STPG4: variants seen among roughly 807,000 people sequenced by gnomAD.
The protein encoded by STPG4 is protein STPG4.
In STPG4, 41 loss-of-function variants were observed where a neutral mutation model predicts 31.5. The observed-to-expected ratio is 1.30, with a 90% confidence interval of 1.01 to 1.69. The LOEUF is 1.69. Among genes scored for constraint, STPG4 ranks in the 40% most tolerant of loss-of-function variants. STPG4 has a pLI of 0.00. For synonymous variants in STPG4, 141 were observed against 103.0 expected (o/e 1.37, Z -2.24); for missense variants, 375 against 293.4 (o/e 1.28, Z -2.03).
intron 3 of STPG4, among the ~76,000 whole-genome samples, chr2:47,131,709 A>G (rs1264602904): frequency 6.6e-6 from 1 of 152,204 alleles, no homozygotes; most frequent in African/African-American, 2.4e-5. Flanking sequence ...GCTTTTAAGA[A>G]AGGCAGGACT....
intron 3 of STPG4, among the ~76,000 whole-genome samples, chr2:47,143,121 C>A (rs1302251881): frequency 6.6e-6 from 1 of 151,976 alleles, no homozygotes; most frequent in Non-Finnish European, 1.5e-5. Context: ...CCACCGCACC[C>A]GGCCAACCTC....
intron 5 of STPG4, among the ~76,000 whole-genome samples, chr2:47,117,245 T>G (rs1387414704): frequency 1.3e-5 from 2 of 152,250 alleles, no homozygotes; most frequent in Non-Finnish European, 2.9e-5. Flanking sequence ...CTTTCGCTCT[T>G]GTTGCCCAGG....
Position 47,151,300 on chromosome 2 carries a change from G to T in STPG4, c.357C>A (p.Asp119Glu), listed in dbSNP as rs376264892. Residue 119 changes from aspartate (D) to glutamate (E), a missense_variant, in exon 3 of 7, where the codon GAC (aspartate) becomes GAA (glutamate). Physicochemically the swap from Asp to Glu is conservative, Grantham distance 45. Transcript: ENST00000445927. Reference protein sequence around the residue: ...KKQVATYSFKDKPRPSPSTLV... With the variant: ...KKQVATYSFKEKPRPSPSTLV... Reference sequence around the variant, plus strand: ...GTGTGCTGGGGCTTGGCCGTGGTTTGTCTTTGAATGAGTAAGTAGCCACTT... The same window carrying T: ...GTGTGCTGGGGCTTGGCCGTGGTTTTTCTTTGAATGAGTAAGTAGCCACTT... 19 of 1,614,232 alleles carry T rather than the reference G, an allele frequency of 1.2e-5. No homozygotes were observed. In the East Asian group the frequency reaches 2.7e-4, roughly 23 times the overall value.
rs57475505 is a variant in STPG4, at chr2:47,127,252, C to CTTTTTTTTTTTTTTTTTTTTTT, written c.519+2667_519+2688dup. Among the ~76,000 whole-genome samples the CTTTTTTTTTTTTTTTTTTTTTT allele has an allele frequency of 2.3e-4, 13 of 57,458 alleles. 5 individuals carry two copies. Among genetic ancestry groups the CTTTTTTTTTTTTTTTTTTTTTT allele is most frequent in the African/African-American group, 7.2e-4 (7 of 9,664 alleles). 37.7% of individuals were successfully genotyped at this position (57,458 alleles called of 152,430 possible). A position where few individuals can be genotyped will look rare whatever the true frequency, so the allele number is the denominator to read the frequency against. ...CAAATAGCTTGTCTTCAAGCTAATT[C>CTTTTTTTTTTTTTTTTTTTTTT]TTTTTTTTTTTTTTTTTTTTTTTTT... On this transcript the variant is annotated intron_variant, in intron 5 of 6. Coordinates refer to ENST00000445927, the MANE Select transcript of STPG4 (RefSeq NM_001163561.2).
intron 5 of STPG4, among the ~76,000 whole-genome samples, chr2:47,107,162 G>A (rs1013410742): frequency 6.6e-6 from 1 of 152,054 alleles, no homozygotes; most frequent in Non-Finnish European, 1.5e-5. Context: ...TCCTCTGCCT[G>A]GGCTCCCACT....
chr2:47,135,196 GA>G (rs1686572046), intron 3 of STPG4, among the ~76,000 whole-genome samples: 1 of 152,100 alleles, frequency 6.6e-6, no homozygotes, highest in Non-Finnish European at 1.5e-5. Flanking sequence ...TAGTTCCAAA[GA>G]AATCCAATTT....
intron 3 of STPG4, among the ~76,000 whole-genome samples, chr2:47,130,764 C>T (rs541211658): frequency 2.6e-5 from 4 of 152,314 alleles, no homozygotes; most frequent in Admixed American, 6.5e-5. Context: ...ATCCACCTGC[C>T]TCAGCCTCCC....
intron 2 of STPG4, among the ~76,000 whole-genome samples, 188 bp from the exon 3 acceptor site, chr2:47,151,703 A>C (rs749141149): frequency 6.6e-6 from 1 of 152,148 alleles, no homozygotes; most frequent in Non-Finnish European, 1.5e-5. Context: ...TTTCTGAAAT[A>C]ATTGCTGAAT....
intron 5 of STPG4, among the ~76,000 whole-genome samples, chr2:47,121,851 T>TGTGTGTGC (rs1222330265): frequency 1.5e-4 from 2 of 13,252 alleles, no homozygotes; most frequent in Non-Finnish European, 2.8e-4. Context: ...TCTCCTCGTG[T>TGTGTGTGC]GTGTGTGTGT....
chr2:47,144,190 A>G (rs953265671), intron 3 of STPG4, among the ~76,000 whole-genome samples: 1 of 152,182 alleles, frequency 6.6e-6, no homozygotes, highest in Non-Finnish European at 1.5e-5. Context: ...ATGCATTTCA[A>G]ATGGTAATGG....
At chr2:47,088,635 A>G (rs1272212921) in intron 6 of STPG4, among the ~76,000 whole-genome samples, 1 of 152,172 alleles carries the variant, frequency 6.6e-6, no homozygotes, top group Non-Finnish European at 1.5e-5. Context: ...TTTTACTATT[A>G]TCACCTACTT....
chr2:47,138,485 G>A (rs1277571830), intron 3 of STPG4, among the ~76,000 whole-genome samples: 1 of 149,722 alleles, frequency 6.7e-6, no homozygotes, highest in Non-Finnish European at 1.5e-5. Context: ...TCCACCTCCT[G>A]GGTTCAAGTG....
chr2:47,111,426 G>T (rs1004839907), intron 5 of STPG4, among the ~76,000 whole-genome samples: 7 of 152,188 alleles, frequency 4.6e-5, no homozygotes, highest in Non-Finnish European at 7.3e-5. Context: ...ACTTATTTAG[G>T]TCACTTATGA....
At chr2:47,142,919 C>G (rs1002630758) in intron 3 of STPG4, among the ~76,000 whole-genome samples, 1 of 145,608 alleles carries the variant, frequency 6.9e-6, no homozygotes, top group African/African-American at 2.5e-5. Context: ...TCTTGGCTCA[C>G]AGCAACCTCC....
Position 47,133,647 on chromosome 2 carries a change from G to A in STPG4, c.400-3387C>T, listed in dbSNP as rs1349024769. On this transcript the variant is annotated intron_variant, in intron 3 of 6. Transcript: ENST00000445927. Reference sequence around the variant, plus strand: ...GGCTGGAGTGCAATGGCGCAATCTCGGCTCACCACAACCTCTGCCTCCCGG... The same window carrying A: ...GGCTGGAGTGCAATGGCGCAATCTCAGCTCACCACAACCTCTGCCTCCCGG... Among the ~76,000 whole-genome samples, 30 of 117,956 alleles carry A rather than the reference G, an allele frequency of 2.5e-4. 1 individual carries two copies. Among genetic ancestry groups the A allele is most frequent in the Non-Finnish European group, 1.6e-5 (1 of 61,644 alleles). The allele number at this position is 117,956 out of a possible 152,430, so 77.4% of individuals were successfully genotyped here.
intron 5 of STPG4, among the ~76,000 whole-genome samples, chr2:47,112,658 G>C (rs1686065517): frequency 1.3e-5 from 2 of 152,200 alleles, no homozygotes; most frequent in African/African-American, 4.8e-5. Flanking sequence ...CTACAGCTCA[G>C]ATTTCTGGTG....
intron 5 of STPG4, among the ~76,000 whole-genome samples, chr2:47,096,653 A>G (rs549120282): frequency 6.6e-6 from 1 of 152,314 alleles, no homozygotes; most frequent in South Asian, 2.1e-4. Context: ...TGAATGTGTC[A>G]AACCTCATTA....
In STPG4 at chr2:47,097,442, G is replaced by C. The variant is rs140105485; in HGVS notation, c.520-7068C>G. Among the ~76,000 whole-genome samples the C allele has an allele frequency of 4.2e-3, 639 of 152,192 alleles. 3 individuals carry two copies. The highest frequency in any genetic ancestry group is 0.014 in the African/African-American group (600 of 41,496). ...GCCCCTGTGATAGTGTTAAGATGTG[G>C]GGCCTTTGGGAGGTGATTATGTCAT... On this transcript the variant is annotated intron_variant, in intron 5 of 6. Transcript: ENST00000445927.
At chr2:47,118,371 C>T (rs903598092) in intron 5 of STPG4, among the ~76,000 whole-genome samples, 1 of 152,202 alleles carries the variant, frequency 6.6e-6, no homozygotes, top group Admixed American at 6.5e-5. Context: ...CCATCACCCC[C>T]AGATGGGACT....
Sources: gnomAD v4.1 joint callset for allele counts (sites outside exome capture counted in the v4.1 genomes callset) on GRCh38, gnomAD v4.1.1 for gene constraint, MANE v1.5 for transcripts, NCBI Gene and HGNC (gene_info 2026-07-23, HGNC 2026-07-21) for gene names.